KSR1: variants seen among roughly 807,000 people sequenced by gnomAD.
KSR1 encodes kinase suppressor of ras.
A neutral mutation model predicts 92.9 loss-of-function variants in KSR1; 35 were observed. The observed-to-expected ratio is 0.38, with a 90% CI of 0.29 to 0.50. KSR1 has a LOEUF of 0.50. Among genes scored for constraint, KSR1 ranks in the 20% least tolerant of loss-of-function variants. KSR1 has a pLI of 0.94. For synonymous variants in KSR1, 467 were observed against 472.6 expected (o/e 0.99, Z 0.15); for missense variants, 972 against 1,158.5 (o/e 0.84, Z 2.34).
chr17:27,529,658 G>T (rs2070458783), intron 1 of KSR1, among the ~76,000 whole-genome samples: 1 of 152,180 alleles, frequency 6.6e-6, no homozygotes, highest in East Asian at 1.9e-4. Context: ...ATGGTTGCCG[G>T]CAGAGGTAAC....
At chr17:27,533,682 G>A (rs566499798) in intron 1 of KSR1, among the ~76,000 whole-genome samples, 8 of 152,090 alleles carry the variant, frequency 5.3e-5, no homozygotes, top group Non-Finnish European at 1.0e-4. Flanking sequence ...GCACCCAGCC[G>A]CAACCATTCA....
Position 27,592,449 on chromosome 17 carries a change from G to T in KSR1, c.1192+27G>T, listed in dbSNP as rs2278625. 58 of 1,613,390 alleles carry T rather than the reference G, an allele frequency of 3.6e-5. 1 individual carries two copies. The East Asian group carries it at 1.3e-3, about 36-fold the overall frequency. On this transcript the variant is annotated intron_variant, in intron 8 of 20. Transcript: ENST00000644974. The stretch of plus-strand genomic sequence containing the variant: ...TGAGTTTTCTGCCTTCCTCTCCTCT[G>T]CCTTCTGGATTTGGGTGAATCTTTA...
chr17:27,605,818 C>G lies in KSR1; in HGVS notation c.1994+5C>G. The G allele has an allele frequency of 6.2e-7, 1 of 1,612,240 alleles. No homozygotes were observed. The highest frequency in any genetic ancestry group is 8.5e-7 in the Non-Finnish European group (1 of 1,179,626). On this transcript the variant is annotated splice_donor_5th_base_variant and intron_variant, in intron 14 of 20. Coordinates refer to ENST00000644974, the MANE Select transcript of KSR1 (RefSeq NM_001394583.1). ...CCACCTGGCCATTATCACCAGGTAA[C>G]CAAGCCCTAGGACCTCATGCTGGAT...
intron 1 of KSR1, among the ~76,000 whole-genome samples, chr17:27,507,216 C>T (rs568778689): frequency 1.3e-5 from 2 of 152,222 alleles, no homozygotes; most frequent in Admixed American, 6.5e-5. Flanking sequence ...AGGCAGATTA[C>T]GAGGTCAGGA....
chr17:27,548,241 AAAAAGAT>A (rs2071258830), intron 1 of KSR1, among the ~76,000 whole-genome samples: 1 of 151,772 alleles, frequency 6.6e-6, no homozygotes, highest in East Asian at 1.9e-4. Flanking sequence ...AAAAAAAAAA[AAAAAGAT>A]AAAGATAAAA....
At chr17:27,544,008 G>A (rs745454977) in intron 1 of KSR1, among the ~76,000 whole-genome samples, 6 of 152,162 alleles carry the variant, frequency 3.9e-5, no homozygotes, top group Non-Finnish European at 7.3e-5. Context: ...TGTCGGCTTC[G>A]CCTGAGAAGA....
At chr17:27,590,669 CTG>C in intron 6 of KSR1, 140 bp from the exon 7 acceptor site, 1 of 676,664 alleles carries the variant, frequency 1.5e-6, no homozygotes, top group Non-Finnish European at 2.6e-6. Context: ...GTGGGTATCT[CTG>C]TCCTCTCTGG....
chr17:27,623,005 G>T (rs1317516010), intron 20 of KSR1: 1 of 416,826 alleles, frequency 2.4e-6, no homozygotes, highest in African/African-American at 2.1e-5. Context: ...CTTGGAGCAA[G>T]AGCTTTCCTG....
At chr17:27,460,332 G>T (rs1409395144) in intron 1 of KSR1, among the ~76,000 whole-genome samples, 4 of 152,194 alleles carry the variant, frequency 2.6e-5, no homozygotes, top group African/African-American at 9.7e-5. Flanking sequence ...TTATGTTCCA[G>T]GGACATTGTG....
intron 1 of KSR1, among the ~76,000 whole-genome samples, chr17:27,473,062 C>G (rs2020108296): frequency 6.6e-6 from 1 of 152,208 alleles, no homozygotes; most frequent in South Asian, 2.1e-4. Context: ...TGCCACCATG[C>G]CCAGCTAGTA....
At chr17:27,466,492 C>A (rs927412506) in intron 1 of KSR1, among the ~76,000 whole-genome samples, 12 of 152,292 alleles carry the variant, frequency 7.9e-5, no homozygotes, top group African/African-American at 2.4e-4. Context: ...CCTGCCTCCT[C>A]CTGGCCCTGG....
At chr17:27,478,405 G>T (rs1406879630) in intron 1 of KSR1, among the ~76,000 whole-genome samples, 4 of 152,188 alleles carry the variant, frequency 2.6e-5, no homozygotes, top group African/African-American at 4.8e-5. Flanking sequence ...TACGAATGGG[G>T]ACAATGTCAT....
intron 1 of KSR1, among the ~76,000 whole-genome samples, chr17:27,529,521 G>T (rs552924026): frequency 6.6e-6 from 1 of 152,318 alleles, no homozygotes; most frequent in African/African-American, 2.4e-5. Flanking sequence ...GGGCGATGCC[G>T]CTCCACGCTC....
At chr17:27,527,783 C>T (rs913241785) in intron 1 of KSR1, among the ~76,000 whole-genome samples, 1 of 152,184 alleles carries the variant, frequency 6.6e-6, no homozygotes, top group African/African-American at 2.4e-5. Flanking sequence ...TTATCCTGGT[C>T]AGCAGTATCT....
intron 1 of KSR1, among the ~76,000 whole-genome samples, chr17:27,503,317 A>C (rs531284589): frequency 2.0e-5 from 3 of 152,326 alleles, no homozygotes; most frequent in Non-Finnish European, 2.9e-5. Context: ...GGTAGAGGCC[A>C]GGGATGCTGT....
At chr17:27,532,985 C>T (rs954044599) in intron 1 of KSR1, among the ~76,000 whole-genome samples, 7 of 152,190 alleles carry the variant, frequency 4.6e-5, no homozygotes, top group African/African-American at 1.2e-4. Flanking sequence ...GTTGGGTTGG[C>T]TTCCTGACCC....
At chr17:27,613,969 T>A (rs929312722) in intron 18 of KSR1, among the ~76,000 whole-genome samples, 2 of 152,200 alleles carry the variant, frequency 1.3e-5, no homozygotes, top group Admixed American at 6.5e-5. Context: ...ATCCAGCTAA[T>A]TTTTGTATTT....
At position 27,567,640 on chromosome 17, in the gene KSR1, T is replaced by C. The variant is rs148314392; in HGVS notation, c.373-9852T>C. Among the ~76,000 whole-genome samples the C allele has an allele frequency of 3.5e-3, 531 of 152,340 alleles. 1 individual carries two copies. Among genetic ancestry groups the C allele is most frequent in the African/African-American group, 0.012 (508 of 41,574 alleles). ...CGTCCCTTAGGCAGAGGGAGGTGATTCTCAGGGCAGACCTCAGGGACATCT... is the reference window on the plus strand; with the variant it reads ...CGTCCCTTAGGCAGAGGGAGGTGATCCTCAGGGCAGACCTCAGGGACATCT... On this transcript the variant is annotated intron_variant, in intron 2 of 20. Coordinates refer to ENST00000644974, the MANE Select transcript of KSR1 (RefSeq NM_001394583.1).
chr17:27,490,473 T>C (rs1402138046), intron 1 of KSR1, among the ~76,000 whole-genome samples: 1 of 152,124 alleles, frequency 6.6e-6, no homozygotes, highest in Non-Finnish European at 1.5e-5. Flanking sequence ...CCCCTTTTTT[T>C]CCCGAGTGAA....
Sources: allele counts gnomAD v4.1 joint callset (sites outside exome capture counted in the v4.1 genomes callset), GRCh38; gene constraint gnomAD v4.1.1; transcripts MANE v1.5; gene names NCBI Gene and HGNC (gene_info 2026-07-23, HGNC 2026-07-21).